The following CFAP54 variants were observed in gnomAD, a reference collection of about 807,000 sequenced individuals.
CFAP54 encodes the protein cilia- and flagella-associated protein 54.
In CFAP54, 290 loss-of-function variants were observed where a neutral mutation model predicts 370.4. The observed-to-expected ratio is 0.78, with a 90% CI of 0.71 to 0.86. The LOEUF (loss-of-function observed/expected upper bound fraction) is 0.86, where lower values mean the gene tolerates loss of function less well. Among genes scored for constraint, CFAP54 ranks in the 40% least tolerant of loss-of-function variants. CFAP54 has a pLI of 0.00. For missense variants in CFAP54, 3,399 were observed against 3,528.7 expected, an observed-to-expected ratio of 0.96 and a Z score of 0.93; for synonymous variants, 1,206 against 1,236.5, an observed-to-expected ratio of 0.98 and a Z score of 0.52.
chr12:96,820,734 A>C lies in CFAP54; in HGVS notation c.9096+2821A>C, dbSNP rs576509323. 2.2e-4 allele frequency among the ~76,000 whole-genome samples: 33 copies of C among 152,328 alleles called. 1 individual carries two copies. The highest frequency in any genetic ancestry group is 7.5e-4 in the African/African-American group (31 of 41,576). On this transcript the variant is annotated intron_variant, in intron 65 of 67. Coordinates refer to ENST00000524981, the MANE Select transcript of CFAP54 (RefSeq NM_001306084.2). Reference sequence around the variant, plus strand: ...CTTGGGAGGTTTTATGGCTATAACTATAGATATAGGTTTATTTTATAAAGT... The same window carrying C: ...CTTGGGAGGTTTTATGGCTATAACTCTAGATATAGGTTTATTTTATAAAGT...
intron 63 of CFAP54, among the ~76,000 whole-genome samples, chr12:96,808,419 C>A (rs1037024787): frequency 5.3e-5 from 8 of 152,042 alleles, no homozygotes; most frequent in African/African-American, 1.9e-4. Flanking sequence ...ATTAGAGGTT[C>A]TAATTTTTCA....
At chr12:96,826,742 A>C (rs1438077876) in intron 65 of CFAP54, among the ~76,000 whole-genome samples, 5 of 112,418 alleles carry the variant, frequency 4.4e-5, no homozygotes, top group African/African-American at 1.5e-4. Flanking sequence ...ATAATATATA[A>C]TTCTTATATA....
intron 51 of CFAP54, among the ~76,000 whole-genome samples, chr12:96,740,816 A>G (rs1040526410): frequency 6.6e-6 from 1 of 152,148 alleles, no homozygotes; most frequent in Non-Finnish European, 1.5e-5. Context: ...AAATTTGGCA[A>G]TGTCTGGAGA....
chr12:96,832,210 C>G (rs1204445087), intron 66 of CFAP54, among the ~76,000 whole-genome samples: 3 of 151,680 alleles, frequency 2.0e-5, no homozygotes, highest in Admixed American at 2.0e-4. Context: ...TTGCCTTCCA[C>G]CATGATTGTG....
chr12:96,684,563 A>G, intron 40 of CFAP54, 85 bp from the exon 41 acceptor site: 1 of 1,041,398 alleles, frequency 9.6e-7, no homozygotes, highest in South Asian at 1.4e-5. Flanking sequence ...GTTAAGGAAT[A>G]GTGCAGTTTA....
intron 2 of CFAP54, among the ~76,000 whole-genome samples, chr12:96,502,670 C>G (rs1157098081): frequency 6.6e-6 from 1 of 152,072 alleles, no homozygotes; most frequent in Non-Finnish European, 1.5e-5. Context: ...GCCAGTTCAA[C>G]CTTGGGCAGT....
At chr12:96,593,689 TA>T in intron 24 of CFAP54, among the ~76,000 whole-genome samples, 1 of 151,766 alleles carries the variant, frequency 6.6e-6, no homozygotes, top group Non-Finnish European at 1.5e-5. Context: ...TAATCTTGAA[TA>T]TATATATATA....
intron 32 of CFAP54, among the ~76,000 whole-genome samples, chr12:96,634,647 G>A (rs12425658): frequency 0.094 from 14,306 of 152,082 alleles, 861 homozygotes; most frequent in Non-Finnish European, 0.14. Context: ...TGCTTTTGGT[G>A]GCAAATCTAA....
chr12:96,621,799 AT>A, intron 27 of CFAP54, 78 bp downstream of exon 27: 1 of 1,082,378 alleles, frequency 9.2e-7, no homozygotes, highest in Non-Finnish European at 1.2e-6. Context: ...TATTAAACAT[AT>A]TAGAAAATTG....
At chr12:96,612,610 C>G (rs1292320774) in intron 26 of CFAP54, among the ~76,000 whole-genome samples, 1 of 152,192 alleles carries the variant, frequency 6.6e-6, no homozygotes, top group East Asian at 1.9e-4. Context: ...GATAAAGAGT[C>G]AAGACCCATT....
chr12:96,511,884 T>C (rs1204880841), intron 4 of CFAP54, among the ~76,000 whole-genome samples: 2 of 152,262 alleles, frequency 1.3e-5, no homozygotes, highest in Non-Finnish European at 2.9e-5. Flanking sequence ...TTAGACTATC[T>C]GTTACAATTA....
At chr12:96,675,816 T>C (rs527381806) in intron 39 of CFAP54, among the ~76,000 whole-genome samples, 7 of 152,136 alleles carry the variant, frequency 4.6e-5, no homozygotes, top group Non-Finnish European at 8.8e-5. Flanking sequence ...GAAACCATCA[T>C]TCTCAGCAAA....
At position 96,699,986 on chromosome 12, in the gene CFAP54, G is replaced by A. The variant is rs766563254; in HGVS notation, c.6367G>A (p.Asp2123Asn). The change falls in exon 46 of 68, where the codon GAT (aspartate) becomes AAT (asparagine). Residue 2123 changes from aspartate (D) to asparagine (N), a missense_variant. Asp to Asn is a conservative substitution (Grantham distance 23). Transcript: ENST00000524981. ...TCCTTTACAGATAGAAGTCCTTATA[G>A]ATTTGAGATTCTTTTCTGAAGCCTT... ...ARILKIEVLI[D>N]LRFFSEAFYE... The A allele has an allele frequency of 6.3e-7, 1 of 1,578,814 alleles. No individual in the cohort carries two copies. Among genetic ancestry groups the A allele is most frequent in the Non-Finnish European group, 8.7e-7 (1 of 1,153,818 alleles).
intron 41 of CFAP54, 27 bp from the exon 42 acceptor site, chr12:96,685,002 C>T (rs754646705): frequency 1.7e-5 from 27 of 1,606,418 alleles, no homozygotes; most frequent in Admixed American, 3.4e-5. Context: ...AGAAAACTTA[C>T]TGCTTGATGC....
intron 66 of CFAP54, among the ~76,000 whole-genome samples, chr12:96,830,781 T>A (rs1333374875): frequency 2.0e-5 from 3 of 151,976 alleles, no homozygotes; most frequent in Non-Finnish European, 2.9e-5. Context: ...TGGGTTCAAG[T>A]GATTCTCCTG....
chr12:96,866,878 C>T (rs904884231), intron 67 of CFAP54, among the ~76,000 whole-genome samples: 1 of 152,092 alleles, frequency 6.6e-6, no homozygotes, highest in African/African-American at 2.4e-5. Context: ...AAACAATGTT[C>T]AGAAAAGTAT....
intron 26 of CFAP54, among the ~76,000 whole-genome samples, chr12:96,606,092 A>T (rs548158247): frequency 2.0e-5 from 3 of 152,320 alleles, no homozygotes; most frequent in Admixed American, 2.0e-4. Context: ...ATACAATTTC[A>T]TGAAGCTTTA....
intron 33 of CFAP54, among the ~76,000 whole-genome samples, chr12:96,644,774 A>T (rs1257432953): frequency 2.0e-5 from 3 of 152,134 alleles, no homozygotes; most frequent in Non-Finnish European, 4.4e-5. Flanking sequence ...TGAGAACAGC[A>T]TGGGGAAAAC....
chr12:96,616,955 T>C (rs1437398613), intron 26 of CFAP54, among the ~76,000 whole-genome samples: 1 of 152,034 alleles, frequency 6.6e-6, no homozygotes, highest in Non-Finnish European at 1.5e-5. Flanking sequence ...AGAGAGAAGA[T>C]AAACTAAACT....
Sources: gnomAD v4.1 joint callset for allele counts (sites outside exome capture counted in the v4.1 genomes callset) on GRCh38, gnomAD v4.1.1 for gene constraint, MANE v1.5 for transcripts, NCBI Gene and HGNC (gene_info 2026-07-23, HGNC 2026-07-21) for gene names.